The following HSD17B12 variants were observed in gnomAD, a reference collection of about 807,000 sequenced individuals.
HSD17B12 encodes the protein hydroxysteroid 17-beta dehydrogenase 12.
A neutral mutation model predicts 39.3 loss-of-function variants in HSD17B12; 32 were observed. The ratio of observed to expected loss-of-function variants is 0.81; its 90% confidence interval spans 0.61 to 1.09. The LOEUF is 1.09. Ranked by LOEUF, HSD17B12 falls within the 50% of genes least tolerant of loss-of-function variation. HSD17B12 has a pLI of 0.00. For synonymous variants in HSD17B12, 150 were observed against 146.7 expected (o/e 1.02, Z -0.16); for missense variants, 342 against 382.9 (o/e 0.89, Z 0.89).
intron 3 of HSD17B12, among the ~76,000 whole-genome samples, chr11:43,778,204 C>T (rs915749494): frequency 2.0e-5 from 3 of 152,200 alleles, no homozygotes; most frequent in Non-Finnish European, 2.9e-5. Context: ...ATACTACAAA[C>T]ACCTCTATGC....
the HSD17B12 span, among the ~76,000 whole-genome samples, chr11:43,652,752 A>G: frequency 6.6e-6 from 1 of 151,782 alleles, no homozygotes; most frequent in Non-Finnish European, 1.5e-5. Flanking sequence ...CCAGGCACAC[A>G]CCCTCCAGGA....
In HSD17B12 at chr11:43,705,851, T is replaced by G. The variant is rs187804921; in HGVS notation, c.160+24864T>G. ...TGACATGCTCACTGCAGTCTTCACC[T>G]CCCCGGCTCAAATAATCCTTCCCAC... On this transcript the variant is annotated intron_variant, in intron 1 of 10. Coordinates refer to ENST00000278353, the MANE Select transcript of HSD17B12 (RefSeq NM_016142.3). 4.3e-3 allele frequency among the ~76,000 whole-genome samples: 564 copies of G among 131,714 alleles called. 5 individuals are homozygous for G. Among genetic ancestry groups the G allele is most frequent in the African/African-American group, 0.014 (517 of 35,908 alleles). The allele number at this position is 131,714 out of a possible 152,430, so 86.4% of individuals were successfully genotyped here.
chr11:43,824,425 A>G (rs1194714121), intron 6 of HSD17B12, among the ~76,000 whole-genome samples: 2 of 152,226 alleles, frequency 1.3e-5, no homozygotes, highest in Non-Finnish European at 2.9e-5. Flanking sequence ...GTTTATAAAG[A>G]GCATAAACTT....
the HSD17B12 span, among the ~76,000 whole-genome samples, chr11:43,651,054 C>A: frequency 2.6e-5 from 4 of 151,990 alleles, no homozygotes; most frequent in Admixed American, 2.0e-4. Flanking sequence ...CAGATAGAAG[C>A]AAAAGACTAC....
chr11:43,823,034 TATTA>T (rs1453218716), intron 6 of HSD17B12, among the ~76,000 whole-genome samples: 2 of 152,110 alleles, frequency 1.3e-5, no homozygotes, highest in Non-Finnish European at 2.9e-5. Flanking sequence ...AATATTTTTA[TATTA>T]ATTTAATTTT....
the HSD17B12 span, among the ~76,000 whole-genome samples, chr11:43,662,689 TC>T: frequency 1.3e-5 from 2 of 152,154 alleles, no homozygotes; most frequent in Non-Finnish European, 2.9e-5. Context: ...CAGAGGAATA[TC>T]ATGGAAAGGG....
chr11:43,792,939 A>G (rs1405992781), intron 3 of HSD17B12, among the ~76,000 whole-genome samples: 3 of 152,166 alleles, frequency 2.0e-5, no homozygotes, highest in Non-Finnish European at 4.4e-5. Flanking sequence ...GATGATTTTA[A>G]TAAATCAGCT....
At chr11:43,769,505 T>G (rs936983452) in intron 3 of HSD17B12, among the ~76,000 whole-genome samples, 6 of 152,206 alleles carry the variant, frequency 3.9e-5, no homozygotes, top group African/African-American at 1.4e-4. Flanking sequence ...ATCACCTAAT[T>G]GCAGGTCTAG....
At chr11:43,589,964 T>C in the HSD17B12 span, among the ~76,000 whole-genome samples, 38 of 152,252 alleles carry the variant, frequency 2.5e-4, no homozygotes, top group Admixed American at 2.5e-3. Context: ...TGAAATGAGC[T>C]GTCAGTAAAT....
Position 43,777,798 on chromosome 11 carries a change from A to G in HSD17B12, c.284-20522A>G, listed in dbSNP as rs1312672996. Among the ~76,000 whole-genome samples, 3 of 152,286 alleles carry G rather than the reference A, an allele frequency of 2.0e-5. No homozygotes were observed. In the East Asian group the frequency reaches 5.8e-4, roughly 29 times the overall value. ...TACGTCCCACAATGAGAACAAAGAC[A>G]CAACATACCAGAATCTCTGGGACAC... On this transcript the variant is annotated intron_variant, in intron 3 of 10. Coordinates refer to ENST00000278353, the MANE Select transcript of HSD17B12 (RefSeq NM_016142.3).
At chr11:43,625,811 T>A in the HSD17B12 span, among the ~76,000 whole-genome samples, 1 of 151,412 alleles carries the variant, frequency 6.6e-6, no homozygotes, top group Non-Finnish European at 1.5e-5. Flanking sequence ...AGTTAACATA[T>A]GATACTGTTA....
At chr11:43,762,724 A>G (rs1392700753) in intron 3 of HSD17B12, among the ~76,000 whole-genome samples, 1 of 152,218 alleles carries the variant, frequency 6.6e-6, no homozygotes, top group East Asian at 1.9e-4. Flanking sequence ...ATACCTCCAG[A>G]GACTTTCATA....
chr11:43,770,557 G>A (rs747344022), intron 3 of HSD17B12, among the ~76,000 whole-genome samples: 3 of 152,094 alleles, frequency 2.0e-5, no homozygotes, highest in Non-Finnish European at 4.4e-5. Context: ...TAGGGAGACC[G>A]TGTCTCTACA....
intron 1 of HSD17B12, among the ~76,000 whole-genome samples, chr11:43,693,548 T>C (rs1949882714): frequency 6.6e-6 from 1 of 152,172 alleles, no homozygotes; most frequent in Non-Finnish European, 1.5e-5. Flanking sequence ...AGTTAGTTGA[T>C]CCAATATCTC....
chr11:43,572,896 GAT>G, the HSD17B12 span, among the ~76,000 whole-genome samples: 3 of 152,208 alleles, frequency 2.0e-5, no homozygotes, highest in Admixed American at 6.5e-5. Context: ...TCCCTTGGTT[GAT>G]ATCATGGGAG....
At chr11:43,560,905 G>A in the HSD17B12 span, among the ~76,000 whole-genome samples, 2 of 151,998 alleles carry the variant, frequency 1.3e-5, no homozygotes, top group Admixed American at 6.6e-5. Flanking sequence ...TTCGTCAAGC[G>A]AATAATTGAA....
intron 9 of HSD17B12, among the ~76,000 whole-genome samples, chr11:43,849,393 C>G (rs1179594458): frequency 6.6e-6 from 1 of 152,202 alleles, no homozygotes; most frequent in Non-Finnish European, 1.5e-5. Flanking sequence ...ACAATGAAAC[C>G]ATGAGTTTTT....
At chr11:43,811,681 A>G (rs1267754283) in intron 4 of HSD17B12, among the ~76,000 whole-genome samples, 1 of 152,174 alleles carries the variant, frequency 6.6e-6, no homozygotes, top group Non-Finnish European at 1.5e-5. Context: ...AGGGTGGCTG[A>G]AGTATCTGTC....
At chr11:43,568,071 T>C in the HSD17B12 span, among the ~76,000 whole-genome samples, 4 of 152,030 alleles carry the variant, frequency 2.6e-5, no homozygotes, top group African/African-American at 4.8e-5. Flanking sequence ...CTCAGCCCTG[T>C]TTGTTTTTTT....
Sources: allele counts gnomAD v4.1 joint callset (sites outside exome capture counted in the v4.1 genomes callset), GRCh38; gene constraint gnomAD v4.1.1; transcripts MANE v1.5; gene names NCBI Gene and HGNC (gene_info 2026-07-23, HGNC 2026-07-21).